AKAP13: variants seen among roughly 807,000 people sequenced by gnomAD.
The protein encoded by AKAP13 is A-kinase anchor protein 13.
AKAP13 carries 80 observed loss-of-function variants against 264.5 expected under a neutral mutation model. The ratio of observed to expected loss-of-function variants is 0.30; its 90% confidence interval spans 0.25 to 0.36. The LOEUF (loss-of-function observed/expected upper bound fraction) is 0.36. AKAP13 is among the 10% of genes least tolerant of loss of function. The pLI, the probability that AKAP13 is intolerant of heterozygous loss-of-function variation, is 1.00. For synonymous variants in AKAP13, 1,380 were observed against 1,250.2 expected, an observed-to-expected ratio of 1.10 and a Z score of -2.19; for missense variants, 3,712 against 3,435.2, an observed-to-expected ratio of 1.08 and a Z score of -2.01.
intron 1 of AKAP13, among the ~76,000 whole-genome samples, chr15:85,482,686 C>G (rs1292998966): frequency 6.6e-6 from 1 of 152,116 alleles, no homozygotes; most frequent in East Asian, 1.9e-4. Flanking sequence ...AATGATTTAA[C>G]CTTTGAAAGA....
chr15:85,646,202 T>G (rs932924736), intron 10 of AKAP13, among the ~76,000 whole-genome samples: 1 of 152,168 alleles, frequency 6.6e-6, no homozygotes, highest in African/African-American at 2.4e-5. Context: ...GGGCTGGGCA[T>G]GGTGGCTCAC....
intron 15 of AKAP13, among the ~76,000 whole-genome samples, chr15:85,683,236 A>G (rs2084700479): frequency 6.6e-6 from 1 of 152,154 alleles, no homozygotes; most frequent in Non-Finnish European, 1.5e-5. Context: ...TATCTTAAAA[A>G]CAGACTGCTG....
rs985177545 is a variant in AKAP13 at position 85,746,143 on chromosome 15, G to A, written c.*1466G>A. On this transcript the variant is annotated 3_prime_UTR_variant, in exon 37 of 37. Coordinates refer to ENST00000394518, the MANE Select transcript of AKAP13 (RefSeq NM_007200.5). Reference sequence around the variant, plus strand: ...CTTTTTTGCCCCTCGGAAGCATGGGGCTTTTGAGCACACTTAAAAAAAGAA... The same window carrying A: ...CTTTTTTGCCCCTCGGAAGCATGGGACTTTTGAGCACACTTAAAAAAAGAA... 2 of 152,498 alleles carry A rather than the reference G, an allele frequency of 1.3e-5. No individual in the cohort carries two copies. Among genetic ancestry groups the A allele is most frequent in the African/African-American group, 4.8e-5 (2 of 41,408 alleles). The allele number at this position is 152,498 out of a possible 1,614,324, so 9.4% of individuals were successfully genotyped here. A position where few individuals can be genotyped will look rare whatever the true frequency, so the allele number is the denominator to read the frequency against.
intron 16 of AKAP13, among the ~76,000 whole-genome samples, chr15:85,690,342 A>AAT: frequency 6.6e-6 from 1 of 152,378 alleles, no homozygotes; most frequent in Middle Eastern, 3.4e-3. Flanking sequence ...GAGCAAAAAA[A>AAT]TCAGATGCTT....
chr15:85,499,844 T>G (rs181724535), intron 2 of AKAP13, among the ~76,000 whole-genome samples: 2 of 152,304 alleles, frequency 1.3e-5, no homozygotes, highest in Admixed American at 1.3e-4. Context: ...TGCACATTTG[T>G]ATGCATGCCT....
chr15:85,700,739 A>G (rs2085863909), intron 17 of AKAP13, among the ~76,000 whole-genome samples: 2 of 152,230 alleles, frequency 1.3e-5, no homozygotes, highest in Non-Finnish European at 2.9e-5. Context: ...AGCTTTAGCT[A>G]TCAGCCTACC....
chr15:85,708,568 TC>T lies in AKAP13; in HGVS notation c.5532+483del, dbSNP rs1183628295. On this transcript the variant is annotated intron_variant, in intron 18 of 36. Transcript: ENST00000394518. The surrounding 1 kb of genome is among the most constrained non-coding windows in gnomAD (Gnocchi z 4.3). ...AGGTATGTAATATAGGTGGCTCTGA[TC>T]ACATGACGTAAGAATAGAAAGTGCC... 1.3e-5 allele frequency among the ~76,000 whole-genome samples: 2 copies of T among 152,122 alleles called. No homozygotes were observed. The highest frequency in any genetic ancestry group is 2.9e-5 in the Non-Finnish European group (2 of 68,020).
chr15:85,518,206 C>A (rs574723190), intron 2 of AKAP13, among the ~76,000 whole-genome samples: 2 of 152,202 alleles, frequency 1.3e-5, no homozygotes, highest in South Asian at 2.1e-4. Flanking sequence ...AAAATTGTTA[C>A]CTAGATCTGT....
chr15:85,531,941 G>A (rs1345315126), intron 3 of AKAP13, among the ~76,000 whole-genome samples: 1 of 152,228 alleles, frequency 6.6e-6, no homozygotes, highest in African/African-American at 2.4e-5. Context: ...TATAGGCAAT[G>A]TGATACAAAA....
intron 1 of AKAP13, among the ~76,000 whole-genome samples, chr15:85,417,204 A>G (rs933380779): frequency 6.6e-6 from 1 of 152,200 alleles, no homozygotes; most frequent in Non-Finnish European, 1.5e-5. Context: ...TTAATAGTTT[A>G]TCCTAGGCAG....
At chr15:85,582,762 T>G in intron 7 of AKAP13, 1 of 515,240 alleles carries the variant, frequency 1.9e-6, no homozygotes, top group Non-Finnish European at 2.5e-6. Flanking sequence ...CTGTTGCTTT[T>G]GGGCAGCAGT....
chr15:85,465,888 A>C (rs2074718605), intron 1 of AKAP13, among the ~76,000 whole-genome samples: 1 of 148,526 alleles, frequency 6.7e-6, no homozygotes, highest in Admixed American at 6.7e-5. Context: ...TGGCTGGGTC[A>C]AATGGTATTT....
At chr15:85,656,740 G>A (rs950037530) in intron 11 of AKAP13, among the ~76,000 whole-genome samples, 3 of 152,208 alleles carry the variant, frequency 2.0e-5, no homozygotes, top group Non-Finnish European at 4.4e-5. Context: ...GAGCCAGCGC[G>A]CCTGGCCTGA....
chr15:85,649,284 C>A (rs967379788), intron 10 of AKAP13, among the ~76,000 whole-genome samples: 3 of 152,122 alleles, frequency 2.0e-5, no homozygotes, highest in African/African-American at 7.2e-5. Context: ...GCATCTAGGC[C>A]TGACTCTAAA....
chr15:85,462,980 C>T (rs867358616), intron 1 of AKAP13, among the ~76,000 whole-genome samples: 307 of 135,264 alleles, frequency 2.3e-3, no homozygotes, highest in African/African-American at 8.1e-3. Context: ...GCCGAGATCC[C>T]GCCACTGCAC....
At chr15:85,418,833 T>C (rs10520587) in intron 1 of AKAP13, among the ~76,000 whole-genome samples, 44,704 of 152,124 alleles carry the variant, frequency 0.29, 9,515 homozygotes, top group African/African-American at 0.59. Flanking sequence ...TTATCATTAA[T>C]AATAAAGACC....
intron 1 of AKAP13, among the ~76,000 whole-genome samples, chr15:85,384,206 C>T (rs115260232): frequency 0.011 from 1,698 of 152,284 alleles, 24 homozygotes; most frequent in African/African-American, 0.039. Context: ...GTCACACTTA[C>T]AGATTGAGGG....
chr15:85,638,262 T>C (rs951206801), intron 8 of AKAP13, among the ~76,000 whole-genome samples: 6 of 152,224 alleles, frequency 3.9e-5, no homozygotes, highest in African/African-American at 1.4e-4. Context: ...TTAATACTGT[T>C]GTGATCACAG....
Position 85,581,995 on chromosome 15 carries a change from A to G in AKAP13, c.3927A>G (p.Leu1309=), listed in dbSNP as rs762849341. 3.1e-6 allele frequency: 5 copies of G among 1,614,128 alleles called. No individual in the cohort carries two copies. The highest frequency in any genetic ancestry group is 3.3e-5 in the Admixed American group (2 of 60,032). The part of the protein sequence containing the change: ...KVSTFPPGES[L]PMGSTPEEAT... Reference sequence around the variant, plus strand: ...GTACTTTCCCACCTGGGGAGAGCCTACCAATGGGCAGTACTCCTGAGGAAG... The same window carrying G: ...GTACTTTCCCACCTGGGGAGAGCCTGCCAATGGGCAGTACTCCTGAGGAAG... The change falls in exon 7 of 37, where the codon CTA becomes CTG. Residue 1309 remains leucine (L), a synonymous_variant. Transcript: ENST00000394518.
Sources: gnomAD v4.1 joint callset for allele counts (sites outside exome capture counted in the v4.1 genomes callset) on GRCh38, gnomAD v4.1.1 for gene constraint, Gnocchi (gnomAD v3.1) non-coding constraint, MANE v1.5 for transcripts, NCBI Gene and HGNC (gene_info 2026-07-23, HGNC 2026-07-21) for gene names.